BUD23: variants seen among roughly 807,000 people sequenced by gnomAD.
The protein encoded by BUD23 is BUD23 rRNA methyltransferase and ribosome maturation factor.
BUD23 carries 34 observed loss-of-function variants against 47.0 expected under a neutral mutation model. The observed-to-expected ratio is 0.72, with a 90% confidence interval of 0.55 to 0.96. BUD23 has a LOEUF of 0.96. Ranked by LOEUF, BUD23 falls within the 40% of genes least tolerant of loss-of-function variation. The pLI is 0.00. For synonymous variants in BUD23, 124 were observed against 132.0 expected (o/e 0.94, Z 0.41); for missense variants, 343 against 361.2 (o/e 0.95, Z 0.41).
Position 73,690,899 on chromosome 7 carries a change from G to T in BUD23, c.363-17G>T, listed in dbSNP as rs1554613898. On this transcript the variant is annotated splice_polypyrimidine_tract_variant and intron_variant, in intron 5 of 11. Transcript: ENST00000265758. ...CGTGGATTGCTCCGTTGCCTGACTA[G>T]GTCCCTTCCTTTTTAGCATTTCTGC... The T allele has an allele frequency of 1.2e-6, 2 of 1,611,648 alleles. No homozygotes were observed. Among genetic ancestry groups the T allele is most frequent in the African/African-American group, 2.7e-5 (2 of 74,858 alleles).
intron 2 of BUD23, among the ~76,000 whole-genome samples, chr7:73,684,652 G>T (rs1243729133): frequency 2.0e-5 from 3 of 149,886 alleles, no homozygotes; most frequent in Non-Finnish European, 4.5e-5. Context: ...AGCTGGCGCG[G>T]TGTCTCACGC....
At position 73,686,870 on chromosome 7, in the gene BUD23, G is replaced by A. The variant is rs1554613109; in HGVS notation, c.235G>A (p.Val79Met). The stretch of plus-strand genomic sequence containing the variant: ...TCTGTCAGATGAAGGGCACTATTGG[G>A]TGGGCCTGGATATCAGCCCTGCCAT... ...SYLSDEGHYWVGLDISPAMLD... is the reference protein window; with the variant it reads ...SYLSDEGHYWMGLDISPAMLD... The change falls in exon 4 of 12, where the codon GTG (valine) becomes ATG (methionine). Residue 79 changes from valine (V) to methionine (M), a missense_variant. Transcript: ENST00000265758. 1.9e-6 allele frequency: 3 copies of A among 1,614,202 alleles called. No individual in the cohort carries two copies. Among genetic ancestry groups the A allele is most frequent in the Non-Finnish European group, 2.5e-6 (3 of 1,180,048 alleles).
intron 2 of BUD23, among the ~76,000 whole-genome samples, chr7:73,686,098 CAAA>C (rs35703206): frequency 1.4e-5 from 2 of 143,472 alleles, no homozygotes; most frequent in Non-Finnish European, 1.5e-5. Context: ...GACTCCGTCT[CAAA>C]AAAAAAAAAA....
At position 73,686,729 on chromosome 7, in the gene BUD23, T is replaced by G. The variant is rs782812578; in HGVS notation, c.180T>G (p.Ile60Met). 1 of 1,614,002 alleles carries G rather than the reference T, an allele frequency of 6.2e-7. No individual in the cohort carries two copies. The highest frequency in any genetic ancestry group is 8.5e-7 in the Non-Finnish European group (1 of 1,180,018). The change falls in exon 3 of 12, where the codon ATT becomes ATG. Residue 60 changes from isoleucine to methionine, a missense_variant and splice_region_variant. Coordinates refer to ENST00000265758, the MANE Select transcript of BUD23 (RefSeq NM_017528.5). Reference protein sequence around the residue: ...PENKPCYLLDIGCGTGLSGSY... With the variant: ...PENKPCYLLDMGCGTGLSGSY... ...ATAAGCCCTGTTACCTGCTGGATAT[T>G]GGGTGAGATTCTGGGGCCTGGTTCA...
rs534804067 is a variant in BUD23 at position 73,693,537 on chromosome 7, G to A, written c.597-87G>A. 1.5e-5 allele frequency: 24 copies of A among 1,600,306 alleles called. No homozygotes were observed. The African/African-American group carries it at 2.4e-4, about 16-fold the overall frequency. ...GTGGGTCACCAGGGTCCAGGCAGGC[G>A]GAGGGGGTGCGGGTGGGGGAGCTGA... On this transcript the variant is annotated intron_variant, in intron 8 of 11. Transcript: ENST00000265758.
At chr7:73,689,946 C>G (rs1304285923) in intron 5 of BUD23, among the ~76,000 whole-genome samples, 3 of 151,910 alleles carry the variant, frequency 2.0e-5, no homozygotes, top group Non-Finnish European at 4.4e-5. Context: ...AGGTAGGGCT[C>G]TGTGTGTGTA....
At chr7:73,683,835 C>A in intron 2 of BUD23, 31 bp downstream of exon 2, 3 of 1,614,066 alleles carry the variant, frequency 1.9e-6, no homozygotes, top group African/African-American at 2.7e-5. Context: ...GCGGGGCGTC[C>A]GGGGGTCGGG....
At chr7:73,684,044 C>T (rs1315310627) in intron 2 of BUD23, 13 of 1,369,428 alleles carry the variant, frequency 9.5e-6, no homozygotes, top group South Asian at 9.1e-5. Context: ...TTTTCAAAGT[C>T]GAATGTGACA....
intron 2 of BUD23, among the ~76,000 whole-genome samples, chr7:73,684,675 C>T (rs1797877902): frequency 6.8e-6 from 1 of 148,038 alleles, no homozygotes; most frequent in Non-Finnish European, 1.5e-5. Flanking sequence ...GTAATCGCAA[C>T]ACTTTGGGAG....
intron 5 of BUD23, among the ~76,000 whole-genome samples, chr7:73,689,774 T>C (rs1315484292): frequency 6.6e-6 from 1 of 151,954 alleles, no homozygotes; most frequent in Admixed American, 6.6e-5. Flanking sequence ...GAGTAGATGA[T>C]GGGGAGTTGG....
At chr7:73,690,077 T>G (rs1370318121) in intron 5 of BUD23, among the ~76,000 whole-genome samples, 1 of 152,056 alleles carries the variant, frequency 6.6e-6, no homozygotes, top group Non-Finnish European at 1.5e-5. Context: ...GGCACAAGGC[T>G]TACTGCAACC....
At position 73,686,717 on chromosome 7, in the gene BUD23, C is replaced by T; in HGVS notation, c.168C>T (p.Tyr56=). Residue 56 remains tyrosine, a synonymous_variant, in exon 3 of 12, where the codon TAC becomes TAT. Transcript: ENST00000265758. ...LLYLPENKPC[Y]LLDIGCGTGL... ...ATCTGCCAGAGAATAAGCCCTGTTACCTGCTGGATATTGGGTGAGATTCTG... is the reference window on the plus strand; with the variant it reads ...ATCTGCCAGAGAATAAGCCCTGTTATCTGCTGGATATTGGGTGAGATTCTG... 1.2e-6 allele frequency: 2 copies of T among 1,614,140 alleles called. No individual in the cohort carries two copies. Among genetic ancestry groups the T allele is most frequent in the South Asian group, 1.1e-5 (1 of 91,086 alleles).
At chr7:73,692,706 C>T in intron 7 of BUD23, 60 bp downstream of exon 7, 4 of 1,524,016 alleles carry the variant, frequency 2.6e-6, no homozygotes, top group Non-Finnish European at 3.6e-6. Flanking sequence ...GTAAGCTGTC[C>T]TGGGGAAGCG....
chr7:73,694,291 T>C, intron 10 of BUD23: 1 of 456,348 alleles, frequency 2.2e-6, no homozygotes, highest in South Asian at 3.7e-5. Context: ...CACATGCCCC[T>C]TCCCCTTGCC....
Position 73,690,935 on chromosome 7 carries a change from CTCTGT to C in BUD23, c.383_387del (p.Leu128GlnfsTer3), listed in dbSNP as rs1798169263. 1 of 1,614,042 alleles carries C rather than the reference CTCTGT, an allele frequency of 6.2e-7. No homozygotes were observed. The highest frequency in any genetic ancestry group is 8.5e-7 in the Non-Finnish European group (1 of 1,180,040). On this transcript the variant is annotated frameshift_variant, in exon 6 of 12. Transcript: ENST00000265758. LOFTEE classifies it high-confidence loss of function. ...TTTTAGCATTTCTGCTGTGCAGTGG[CTCTGT>C]AATGCTAACAAGAAGTCTGAAAACC... is the stretch of plus-strand genomic sequence containing the variant.
chr7:73,685,356 G>T (rs1554612796), intron 2 of BUD23, among the ~76,000 whole-genome samples: 1 of 152,190 alleles, frequency 6.6e-6, no homozygotes, highest in Non-Finnish European at 1.5e-5. Flanking sequence ...AGGCTGGAGT[G>T]CCATGGCATG....
At chr7:73,697,217 C>A in intron 10 of BUD23, 1 of 542,562 alleles carries the variant, frequency 1.8e-6, no homozygotes, top group Non-Finnish European at 3.3e-6. Context: ...AGCTGTGGGA[C>A]CCTAAGCTCC....
chr7:73,691,390 G>C (rs1315568862), intron 6 of BUD23, among the ~76,000 whole-genome samples: 1 of 152,144 alleles, frequency 6.6e-6, no homozygotes, highest in Non-Finnish European at 1.5e-5. Flanking sequence ...GGACCATCCA[G>C]AGGGGTACCT....
intron 2 of BUD23, 112 bp downstream of exon 2, chr7:73,683,916 G>A (rs1554612290): frequency 6.9e-6 from 11 of 1,597,822 alleles, no homozygotes; most frequent in Non-Finnish European, 9.4e-6. Context: ...GGGAAGGGAA[G>A]GACCCGGGTG....
Sources: allele counts gnomAD v4.1 joint callset (sites outside exome capture counted in the v4.1 genomes callset), GRCh38; gene constraint gnomAD v4.1.1; transcripts MANE v1.5; gene names NCBI Gene and HGNC (gene_info 2026-07-23, HGNC 2026-07-21).